Variants in ZNF517 observed in about 807,000 individuals in gnomAD.
ZNF517 encodes the protein zinc finger protein 517.
Under a neutral mutation model 12.1 loss-of-function variants are expected in ZNF517, and 12 were observed. That is an observed-to-expected ratio of 0.99 (90% confidence interval 0.63 to 1.61). ZNF517 has a LOEUF of 1.61. ZNF517 is among the 40% of genes most tolerant of loss of function. ZNF517 has a pLI of 0.00. For synonymous variants in ZNF517, 388 were observed against 310.2 expected, an observed-to-expected ratio of 1.25 and a Z score of -2.63; for missense variants, 781 against 693.2, an observed-to-expected ratio of 1.13 and a Z score of -1.42.
intron 1 of ZNF517, among the ~76,000 whole-genome samples, chr8:144,802,135 A>G (rs1370159647): frequency 6.6e-6 from 1 of 152,240 alleles, no homozygotes; most frequent in Non-Finnish European, 1.5e-5. Flanking sequence ...TTCTGCTTAC[A>G]GTCTGCTTGT....
In ZNF517 at chr8:144,807,451, A is replaced by G. The variant is rs931103539; in HGVS notation, c.535A>G (p.Arg179Gly). The change falls in exon 5 of 5, where the codon AGG (arginine) becomes GGG (glycine). Residue 179 changes from arginine (R) to glycine (G), a missense_variant. Transcript: ENST00000359971. ...RPVGSSAPRY[R>G]CVCGKAFRYN... ...TGTGGGGAGCTCAGCCCCCCGCTAC[A>G]GGTGCGTGTGCGGCAAGGCGTTCAG... is the stretch of plus-strand genomic sequence containing the variant. 1.3e-6 allele frequency: 2 copies of G among 1,576,612 alleles called. No homozygotes were observed. Among genetic ancestry groups the G allele is most frequent in the Non-Finnish European group, 1.7e-6 (2 of 1,161,824 alleles).
intron 2 of ZNF517, 146 bp downstream of exon 2, chr8:144,803,093 C>T: frequency 9.5e-7 from 1 of 1,057,024 alleles, no homozygotes; most frequent in Middle Eastern, 3.0e-4. Context: ...CCTCCTCGCT[C>T]TATGGCCAGG....
At chr8:144,799,690 C>T (rs929462678) in intron 1 of ZNF517, among the ~76,000 whole-genome samples, 3 of 152,186 alleles carry the variant, frequency 2.0e-5, no homozygotes, top group Non-Finnish European at 4.4e-5. Flanking sequence ...CCTGTAATCC[C>T]AGCACTTTGG....
chr8:144,799,106 C>T (rs1382053581), intron 1 of ZNF517, among the ~76,000 whole-genome samples, 169 bp downstream of exon 1: 2 of 152,096 alleles, frequency 1.3e-5, no homozygotes, highest in African/African-American at 4.8e-5. Flanking sequence ...CTTATCGGGG[C>T]GAAGGGCCCT....
At position 144,808,044 on chromosome 8, in the gene ZNF517, G is replaced by T. The variant is rs747488552; in HGVS notation, c.1128G>T (p.Pro376=). Residue 376 remains proline (P), a synonymous_variant, in exon 5 of 5, where the codon CCG becomes CCT. Transcript: ENST00000359971. ...ACGAGTGCCCGGTGTGCGGGAGGCC[G>T]TTCCGACACAACTCCCTGCTGCTGC... ...PPHECPVCGR[P]FRHNSLLLLH... 1.3e-5 allele frequency: 21 copies of T among 1,601,824 alleles called. No individual in the cohort carries two copies. In the African/African-American group the frequency reaches 1.7e-4, roughly 13 times the overall value.
chr8:144,801,482 G>A (rs1354325894), intron 1 of ZNF517, among the ~76,000 whole-genome samples: 2 of 152,054 alleles, frequency 1.3e-5, no homozygotes, highest in Non-Finnish European at 2.9e-5. Flanking sequence ...TCCCGCCTGG[G>A]CAACAAGAGC....
Position 144,808,577 on chromosome 8 carries a change from A to AGT in ZNF517, c.*183_*184insTG. ...ACTGGGGAGGGAAAGGGCACCAGGC[A>AGT]GCCCGTGGTGTGGCCTCAGGAACCA... On this transcript the variant is annotated 3_prime_UTR_variant, in exon 5 of 5. Transcript: ENST00000359971. The AGT allele has an allele frequency of 1.1e-6, 1 of 878,090 alleles. No homozygotes were observed. Among genetic ancestry groups the AGT allele is most frequent in the Non-Finnish European group, 1.5e-6 (1 of 646,540 alleles). The allele number at this position is 878,090 out of a possible 1,614,324, so 54.4% of individuals were successfully genotyped here.
chr8:144,804,335 G>C, intron 4 of ZNF517, 97 bp downstream of exon 4: 1 of 857,574 alleles, frequency 1.2e-6, no homozygotes, highest in African/African-American at 1.7e-5. Flanking sequence ...TGGGAGGTGT[G>C]TATGTTTAGC....
chr8:144,812,033 C>T (rs1477316048), downstream of ZNF517, among the ~76,000 whole-genome samples: 19 of 138,756 alleles, frequency 1.4e-4, no homozygotes, highest in African/African-American at 5.5e-4. Context: ...GACAGTAAAG[C>T]TCAGCCAGGT....
intron 1 of ZNF517, among the ~76,000 whole-genome samples, chr8:144,799,336 T>C (rs1425945919): frequency 6.6e-6 from 1 of 152,178 alleles, no homozygotes; most frequent in Admixed American, 6.5e-5. Context: ...CCCGCAGCGT[T>C]CATTTACCCT....
downstream of ZNF517, chr8:144,810,407 G>A (rs978387788): frequency 2.6e-5 from 11 of 424,490 alleles, no homozygotes; most frequent in Admixed American, 3.9e-5. Context: ...TGCAGAAAGA[G>A]CCATGGGAAG....
At chr8:144,803,819 T>C in intron 3 of ZNF517, 52 bp downstream of exon 3, 3 of 1,586,528 alleles carry the variant, frequency 1.9e-6, no homozygotes, top group Non-Finnish European at 2.6e-6. Context: ...CTGTGTTAGC[T>C]TCAAAGGAAG....
chr8:144,808,291 A>T lies in ZNF517; in HGVS notation c.1375A>T (p.Arg459Trp). Residue 459 changes from arginine (R) to tryptophan (W), a missense_variant, in exon 5 of 5, where the codon AGG (arginine) becomes TGG (tryptophan). Coordinates refer to ENST00000359971, the MANE Select transcript of ZNF517 (RefSeq NM_213605.3). ...GCCATACCGGTGCCGCGCCTGCGGG[A>T]GGGCCTGCAGCCGGCTGTCCACCCT... ...ERPYRCRACGRACSRLSTLIQ... is the reference protein window; with the variant it reads ...ERPYRCRACGWACSRLSTLIQ... 6.4e-7 allele frequency: 1 copy of T among 1,551,232 alleles called. No individual in the cohort carries two copies. Among genetic ancestry groups the T allele is most frequent in the Non-Finnish European group, 8.7e-7 (1 of 1,146,532 alleles).
chr8:144,805,373 C>G lies in ZNF517; in HGVS notation c.274+1135C>G, dbSNP rs528796176. The stretch of plus-strand genomic sequence containing the variant: ...TGAGATGGAGTCTCGCTCTGTCGCC[C>G]AGGCTGGAGAGCAGTGGCGCGATCT... On this transcript the variant is annotated intron_variant, in intron 4 of 4. Coordinates refer to ENST00000359971, the MANE Select transcript of ZNF517 (RefSeq NM_213605.3). 5.8e-4 allele frequency among the ~76,000 whole-genome samples: 88 copies of G among 152,366 alleles called. 2 individuals carry two copies. The highest frequency in any genetic ancestry group is 9.8e-4 in the Non-Finnish European group (67 of 68,034).
rs1239583650 is a variant in ZNF517, at chr8:144,804,258, A to G, written c.274+20A>G. On this transcript the variant is annotated intron_variant, in intron 4 of 4. Transcript: ENST00000359971. Reference sequence around the variant, plus strand: ...GCACAGGTGAGTACAAAGCACCCACAGGGCGTGTCCTGTGCTGCCAATGTG... The same window carrying G: ...GCACAGGTGAGTACAAAGCACCCACGGGGCGTGTCCTGTGCTGCCAATGTG... 6.2e-7 allele frequency: 1 copy of G among 1,601,860 alleles called. No homozygotes were observed. The highest frequency in any genetic ancestry group is 1.1e-5 in the South Asian group (1 of 89,924).
At chr8:144,801,922 A>G (rs1037093433) in intron 1 of ZNF517, among the ~76,000 whole-genome samples, 23 of 151,990 alleles carry the variant, frequency 1.5e-4, no homozygotes, top group African/African-American at 5.3e-4. Flanking sequence ...AGTTCCAGCT[A>G]CTCGGGAGGC....
downstream of ZNF517, chr8:144,810,316 T>C: frequency 1.8e-6 from 1 of 560,652 alleles, no homozygotes; most frequent in Non-Finnish European, 3.3e-6. Flanking sequence ...AACTCCATGA[T>C]GGGGGTGGGA....
intron 2 of ZNF517, chr8:144,803,197 T>A: frequency 5.4e-6 from 3 of 556,950 alleles, no homozygotes; most frequent in African/African-American, 1.9e-5. Context: ...TGGTCAGCCA[T>A]TGAGGGCAGG....
intron 2 of ZNF517, chr8:144,803,289 C>T (rs1827057706): frequency 4.3e-6 from 2 of 465,038 alleles, no homozygotes; most frequent in Admixed American, 7.3e-5. Flanking sequence ...TGACTCACTG[C>T]TGGTGTTAGA....
Sources: gnomAD v4.1 joint callset for allele counts (sites outside exome capture counted in the v4.1 genomes callset) on GRCh38, gnomAD v4.1.1 for gene constraint, MANE v1.5 for transcripts, NCBI Gene and HGNC (gene_info 2026-07-23, HGNC 2026-07-21) for gene names.